Variants in CACNA1E observed in about 807,000 individuals in gnomAD.
CACNA1E encodes the protein voltage-dependent R-type calcium channel subunit alpha-1E.
CACNA1E carries 40 observed loss-of-function variants against 259.2 expected under a neutral mutation model. That is an observed-to-expected ratio of 0.15 (90% CI 0.12 to 0.20). CACNA1E has a LOEUF of 0.20. CACNA1E is among the 10% of genes least tolerant of loss of function. CACNA1E has a pLI of 1.00. For missense variants in CACNA1E, 1,874 were observed against 3,040.1 expected (o/e 0.62, Z 9.02); for synonymous variants, 1,104 against 1,138.5 (o/e 0.97, Z 0.61).
intron 6 of CACNA1E, among the ~76,000 whole-genome samples, chr1:181,584,936 G>A (rs1651901894): frequency 1.3e-5 from 2 of 152,168 alleles, no homozygotes; most frequent in Admixed American, 1.3e-4. Flanking sequence ...AATTGTGACT[G>A]GTATTGTAGA....
intron 35 of CACNA1E, among the ~76,000 whole-genome samples, chr1:181,768,449 CTT>C (rs1266333824): frequency 6.6e-6 from 1 of 152,104 alleles, no homozygotes; most frequent in African/African-American, 2.4e-5. Context: ...AGTTAAGTAA[CTT>C]ATAACATGCT....
intron 7 of CACNA1E, among the ~76,000 whole-genome samples, chr1:181,689,884 C>T (rs1650966176): frequency 6.6e-6 from 1 of 151,998 alleles, no homozygotes; most frequent in Admixed American, 6.6e-5. Flanking sequence ...AGCCCTTTGT[C>T]AAATGGATAG....
chr1:181,390,748 T>C (rs554937469), intron 1 of CACNA1E, among the ~76,000 whole-genome samples: 1 of 152,198 alleles, frequency 6.6e-6, no homozygotes, highest in South Asian at 2.1e-4. Context: ...GCTGTGGAGG[T>C]CAGAGAGTTG....
At chr1:181,612,589 C>T (rs1264530655) in intron 6 of CACNA1E, among the ~76,000 whole-genome samples, 1 of 152,184 alleles carries the variant, frequency 6.6e-6, no homozygotes, top group Non-Finnish European at 1.5e-5. Flanking sequence ...GCTGTCTGGC[C>T]TGTAGGCAAT....
chr1:181,651,849 T>A (rs1056031791), intron 7 of CACNA1E: 2 of 156,326 alleles, frequency 1.3e-5, no homozygotes, highest in African/African-American at 4.8e-5. Flanking sequence ...AGTCTCATAT[T>A]TGTGGCTTGA....
chr1:181,383,087 T>C lies in CACNA1E; in HGVS notation c.-14-30046T>C, dbSNP rs111679119. Among the ~76,000 whole-genome samples, 558 of 152,334 alleles carry C rather than the reference T, an allele frequency of 3.7e-3. 3 individuals are homozygous for C. Among genetic ancestry groups the C allele is most frequent in the Middle Eastern group, 0.01 (3 of 294 alleles). ...GTTCACAGTCCATATTGTAATGTGT[T>C]CTCCTTAATGGGATCTTTCTCTGCT... On this transcript the variant is annotated intron_variant, in intron 1 of 11. Transcript: ENST00000524607.
intron 3 of CACNA1E, among the ~76,000 whole-genome samples, chr1:181,538,076 T>G (rs1362506748): frequency 6.6e-6 from 1 of 152,168 alleles, no homozygotes; most frequent in African/African-American, 2.4e-5. Context: ...TGTTCTAGTG[T>G]TTTCTGTCTT....
At chr1:181,786,953 G>A (rs1660894233) in intron 43 of CACNA1E, among the ~76,000 whole-genome samples, 1 of 151,910 alleles carries the variant, frequency 6.6e-6, no homozygotes, top group African/African-American at 2.4e-5. Flanking sequence ...TCATGACCAA[G>A]GTCATTTTTT....
chr1:181,590,412 A>ATATATATATATATATATATAT (rs1423754228), intron 6 of CACNA1E, among the ~76,000 whole-genome samples: 9 of 121,572 alleles, frequency 7.4e-5, no homozygotes, highest in Middle Eastern at 3.5e-3. Context: ...AAAAAAAAAA[A>ATATATATATATATATATATAT]AAAAATATAT....
At chr1:181,461,770 A>T (rs1053520353) in intron 2 of CACNA1E, among the ~76,000 whole-genome samples, 7 of 144,592 alleles carry the variant, frequency 4.8e-5, no homozygotes, top group African/African-American at 1.8e-4. Flanking sequence ...CCCATCTTAG[A>T]TTTTTTTTTT....
At chr1:181,459,367 T>C (rs16857357) in intron 2 of CACNA1E, among the ~76,000 whole-genome samples, 14,304 of 152,250 alleles carry the variant, frequency 0.094, 1,881 homozygotes, top group African/African-American at 0.29. Context: ...CCTTTACACA[T>C]GTTCAGGTAG....
At chr1:181,394,114 C>G (rs1656488449) in intron 1 of CACNA1E, among the ~76,000 whole-genome samples, 1 of 151,648 alleles carries the variant, frequency 6.6e-6, no homozygotes. Context: ...CTGACTCAGT[C>G]CAGGTGTGTG....
chr1:181,327,135 A>G (rs1483689372), intron 1 of CACNA1E, among the ~76,000 whole-genome samples: 1 of 152,190 alleles, frequency 6.6e-6, no homozygotes, highest in Non-Finnish European at 1.5e-5. Context: ...TGTGTCTCCA[A>G]TGCTTTGCCC....
At chr1:181,477,466 A>G (rs1383550715) in intron 2 of CACNA1E, among the ~76,000 whole-genome samples, 2 of 152,206 alleles carry the variant, frequency 1.3e-5, no homozygotes, top group Non-Finnish European at 2.9e-5. Flanking sequence ...GTGGCTCATC[A>G]AAGGGGATTA....
chr1:181,722,890 C>G (rs537232064), intron 16 of CACNA1E, among the ~76,000 whole-genome samples: 1 of 152,164 alleles, frequency 6.6e-6, no homozygotes, highest in Non-Finnish European at 1.5e-5. Flanking sequence ...ATGAAAAGAA[C>G]ACTAGGCAGT....
At chr1:181,355,465 G>A (rs1653354373) in intron 1 of CACNA1E, among the ~76,000 whole-genome samples, 2 of 152,158 alleles carry the variant, frequency 1.3e-5, no homozygotes, top group Non-Finnish European at 2.9e-5. Context: ...GCACGTGCCT[G>A]TAATCCCAGG....
intron 1 of CACNA1E, among the ~76,000 whole-genome samples, chr1:181,339,642 A>C (rs995542195): frequency 1.4e-5 from 2 of 144,230 alleles, no homozygotes; most frequent in Non-Finnish European, 3.1e-5. Flanking sequence ...CCTCCCTACT[A>C]ATATACTGTG....
chr1:181,517,383 C>G (rs1200830415), intron 3 of CACNA1E, among the ~76,000 whole-genome samples: 1 of 152,018 alleles, frequency 6.6e-6, no homozygotes, highest in Non-Finnish European at 1.5e-5. Context: ...CTAGGCCATT[C>G]TGAGTAGTCT....
In CACNA1E at chr1:181,505,652, G is replaced by C. The variant is rs563963117; in HGVS notation, c.267-4825G>C. On this transcript the variant is annotated intron_variant, in intron 1 of 47. Transcript: ENST00000367573. ...GCTTCTGAAAGTGCTGGGATTACAGGCGTGAGCCACCGCACCTGGCCTTCT... is the reference window on the plus strand; with the variant it reads ...GCTTCTGAAAGTGCTGGGATTACAGCCGTGAGCCACCGCACCTGGCCTTCT... 3.3e-5 allele frequency among the ~76,000 whole-genome samples: 5 copies of C among 152,094 alleles called. No homozygotes were observed. The South Asian group carries it at 1.0e-3, about 32-fold the overall frequency.
Sources: gnomAD v4.1 joint callset for allele counts (sites outside exome capture counted in the v4.1 genomes callset) on GRCh38, gnomAD v4.1.1 for gene constraint, MANE v1.5 for transcripts, NCBI Gene and HGNC (gene_info 2026-07-23, HGNC 2026-07-21) for gene names.